Variants in DUSP26 observed in about 807,000 individuals in gnomAD.
DUSP26 encodes dual specificity phosphatase 26, also known as dual specificity protein phosphatase 26.
A neutral mutation model predicts 20.0 loss-of-function variants in DUSP26; 12 were observed. That is an observed-to-expected ratio of 0.60 (90% confidence interval 0.38 to 0.97). The LOEUF (loss-of-function observed/expected upper bound fraction) is 0.97, where lower values mean the gene tolerates loss of function less well. Ranked by LOEUF, DUSP26 falls within the 50% of genes least tolerant of loss-of-function variation. The pLI is 0.00. For synonymous variants in DUSP26, 120 were observed against 118.8 expected (o/e 1.01, Z -0.06); for missense variants, 230 against 294.0 (o/e 0.78, Z 1.59).
intron 2 of DUSP26, among the ~76,000 whole-genome samples, chr8:33,596,749 C>T (rs1016188317): frequency 8.5e-5 from 13 of 152,244 alleles, no homozygotes; most frequent in African/African-American, 3.1e-4. Flanking sequence ...TGCTTGGTCT[C>T]AAGAGAAACC....
intron 1 of DUSP26, 23 bp from the exon 2 acceptor site, chr8:33,597,614 A>C: frequency 9.4e-7 from 1 of 1,067,284 alleles, no homozygotes; most frequent in Non-Finnish European, 1.4e-6. Context: ...GGGGTGTGAG[A>C]CACACTTGAG....
chr8:33,591,956 C>A lies in DUSP26; in HGVS notation c.*57G>T. 6.2e-7 allele frequency: 1 copy of A among 1,600,882 alleles called. No homozygotes were observed. Among genetic ancestry groups the A allele is most frequent in the Non-Finnish European group, 8.5e-7 (1 of 1,176,770 alleles). ...TACCTGCCACCTGGGCCTCCTATCTCCAGCTGGGAGCCAGGGACCTACCCA... is the reference window on the plus strand; with the variant it reads ...TACCTGCCACCTGGGCCTCCTATCTACAGCTGGGAGCCAGGGACCTACCCA... On this transcript the variant is annotated 3_prime_UTR_variant, in exon 4 of 4. Transcript: ENST00000256261.
intron 2 of DUSP26, 84 bp downstream of exon 2, chr8:33,597,211 C>T: frequency 7.6e-7 from 1 of 1,321,594 alleles, no homozygotes; most frequent in African/African-American, 1.5e-5. Context: ...GACACCACTG[C>T]ATACCTGTCT....
rs115775970 is a variant in DUSP26 at position 33,592,184 on chromosome 8, G to A, written c.465C>T (p.Gly155=). 486 of 1,612,770 alleles carry A rather than the reference G, an allele frequency of 3.0e-4. 7 individuals are homozygous for A. The East Asian group carries it at 0.011, about 35-fold the overall frequency. ...GTACCAGGGTGGCGGATCGGCTCAC[G>A]CCCACAGCACAATGCACCAGGATCT... is the stretch of plus-strand genomic sequence containing the variant. The part of the protein sequence containing the change: ...GGKILVHCAV[G]VSRSATLVLA... The change falls in exon 4 of 4, where the codon GGC becomes GGT. Residue 155 remains glycine, a synonymous_variant. Coordinates refer to ENST00000256261, the MANE Select transcript of DUSP26 (RefSeq NM_024025.3).
intron 2 of DUSP26, among the ~76,000 whole-genome samples, chr8:33,596,284 A>C (rs1811143023): frequency 6.6e-6 from 1 of 151,296 alleles, no homozygotes; most frequent in Admixed American, 6.6e-5. Context: ...CCTGTCTCAA[A>C]AACAACAACA....
chr8:33,592,538 C>CAAA (rs745687703), intron 3 of DUSP26, among the ~76,000 whole-genome samples: 577 of 23,754 alleles, frequency 0.024, 69 homozygotes, highest in East Asian at 0.1. Context: ...AACCCCATCT[C>CAAA]AAAAAAAAAA....
rs755611051 is a variant in DUSP26, at chr8:33,591,778, C to G, written c.*235G>C. ...TCCCAGGACCATCTTCCATCTACAG[C>G]CTAGCTGCCTCCTTCCCTGGTCAAC... On this transcript the variant is annotated 3_prime_UTR_variant, in exon 4 of 4. Coordinates refer to ENST00000256261, the MANE Select transcript of DUSP26 (RefSeq NM_024025.3). 1 of 554,656 alleles carries G rather than the reference C, an allele frequency of 1.8e-6. No homozygotes were observed. Among genetic ancestry groups the G allele is most frequent in the Non-Finnish European group, 3.2e-6 (1 of 311,472 alleles). The allele number at this position is 554,656 out of a possible 1,614,324, so 34.4% of individuals were successfully genotyped here. A position where few individuals can be genotyped will look rare whatever the true frequency, so the allele number is the denominator to read the frequency against.
chr8:33,592,144 G>A lies in DUSP26; in HGVS notation c.505C>T (p.Leu169=). Residue 169 remains leucine (L), a synonymous_variant, in exon 4 of 4, where the codon CTG becomes TTG. Transcript: ENST00000256261. ...TCCACGAGGGTAAGGTGGTGGTACAGCATGAGGTAGGCCAGTACCAGGGTG... is the reference window on the plus strand; with the variant it reads ...TCCACGAGGGTAAGGTGGTGGTACAACATGAGGTAGGCCAGTACCAGGGTG... ...SATLVLAYLM[L]YHHLTLVEAI... The A allele has an allele frequency of 6.2e-7, 1 of 1,614,078 alleles. No individual in the cohort carries two copies.
chr8:33,594,046 C>T (rs1319491307), intron 2 of DUSP26, among the ~76,000 whole-genome samples: 1 of 151,934 alleles, frequency 6.6e-6, no homozygotes, highest in African/African-American at 2.4e-5. Context: ...TCTTGAACTC[C>T]TGACCTCAAG....
In DUSP26 at chr8:33,597,426, C is replaced by A; in HGVS notation, c.90G>T (p.Gly30=). The A allele has an allele frequency of 6.2e-7, 1 of 1,614,122 alleles. No individual in the cohort carries two copies. Among genetic ancestry groups the A allele is most frequent in the East Asian group, 2.2e-5 (1 of 44,872 alleles). The change falls in exon 2 of 4, where the codon GGG becomes GGT. Residue 30 remains glycine, a synonymous_variant. Coordinates refer to ENST00000256261, the MANE Select transcript of DUSP26 (RefSeq NM_024025.3). ...SSSRSPVRTR[G]TLEEMPTVQH... ...GAACGGTTGGCATCTCCTCCAGGGT[C>A]CCTCGAGTTCGAACAGGAGACCTTG...
At chr8:33,594,938 G>A (rs774979823) in intron 2 of DUSP26, among the ~76,000 whole-genome samples, 1 of 152,048 alleles carries the variant, frequency 6.6e-6, no homozygotes, top group Non-Finnish European at 1.5e-5. Flanking sequence ...TGGCCAAGCT[G>A]GTCTCGAACT....
intron 1 of DUSP26, among the ~76,000 whole-genome samples, chr8:33,599,064 A>G (rs113802688): frequency 8.0e-4 from 121 of 151,936 alleles, no homozygotes; most frequent in African/African-American, 2.9e-3. Flanking sequence ...TTAGGGAGAG[A>G]GAGTTTTCAA....
Position 33,593,719 on chromosome 8 carries a change from G to A in DUSP26, c.250C>T (p.Arg84Cys), listed in dbSNP as rs778191669. 28 of 1,614,084 alleles carry A rather than the reference G, an allele frequency of 1.7e-5. No individual in the cohort carries two copies. The highest frequency in any genetic ancestry group is 3.3e-5 in the Admixed American group (2 of 60,006). Residue 84 changes from arginine to cysteine, a missense_variant, in exon 3 of 4, where the codon CGC (arginine) becomes TGC (cysteine). Coordinates refer to ENST00000256261, the MANE Select transcript of DUSP26 (RefSeq NM_024025.3). ...QDMANNRREL[R>C]RLGITHVLNA... ...AGGACGTGCGTGATGCCCAGGCGGC[G>A]AAGCTCCCGGCGGTTGTTAGCCATG... is the stretch of plus-strand genomic sequence containing the variant.
Position 33,593,598 on chromosome 8 carries a change from A to G in DUSP26, c.371T>C (p.Phe124Ser). 1 of 1,614,164 alleles carries G rather than the reference A, an allele frequency of 6.2e-7. No individual in the cohort carries two copies. Among genetic ancestry groups the G allele is most frequent in the Non-Finnish European group, 8.5e-7 (1 of 1,180,026 alleles). Reference protein sequence around the residue: ...LGVEAHDSPAFDMSIHFQTAA... With the variant: ...LGVEAHDSPASDMSIHFQTAA... ...CGTCTGGAAGTGGATGCTCATGTCA[A>G]AGGCTGGCGAGTCGTGGGCCTCAAC... is the stretch of plus-strand genomic sequence containing the variant. Residue 124 changes from phenylalanine (F) to serine (S), a missense_variant, in exon 3 of 4, where the codon TTT (phenylalanine) becomes TCT (serine). Coordinates refer to ENST00000256261, the MANE Select transcript of DUSP26 (RefSeq NM_024025.3).
Position 33,597,561 on chromosome 8 carries a change from G to A in DUSP26, c.-46C>T. On this transcript the variant is annotated 5_prime_UTR_variant, in exon 2 of 4. Coordinates refer to ENST00000256261, the MANE Select transcript of DUSP26 (RefSeq NM_024025.3). ...TGGCAGCTGCAGGAGTGGCTGTGGT[G>A]ATGATGGGTTCAGTTGCCAGGTAGC... The A allele has an allele frequency of 1.3e-6, 2 of 1,544,766 alleles. No individual in the cohort carries two copies. Among genetic ancestry groups the A allele is most frequent in the Non-Finnish European group, 1.8e-6 (2 of 1,138,270 alleles).
chr8:33,592,630 A>AGATGAGTG (rs1307153531), intron 3 of DUSP26, among the ~76,000 whole-genome samples: 2 of 150,966 alleles, frequency 1.3e-5, no homozygotes, highest in African/African-American at 4.9e-5. Flanking sequence ...GAATGGGTGC[A>AGATGAGTG]GATGAGTGGA....
intron 1 of DUSP26, 80 bp from the exon 2 acceptor site, chr8:33,597,671 G>A: frequency 1.6e-6 from 1 of 631,606 alleles, no homozygotes; most frequent in South Asian, 2.2e-5. Flanking sequence ...TCCTTCGGGA[G>A]AAGATTCTCG....
At chr8:33,598,465 G>T (rs1203374053) in intron 1 of DUSP26, among the ~76,000 whole-genome samples, 2 of 122,720 alleles carry the variant, frequency 1.6e-5, no homozygotes, top group Non-Finnish European at 3.2e-5. Context: ...GGAGTGTTTT[G>T]TCTGTGTGTG....
intron 2 of DUSP26, among the ~76,000 whole-genome samples, chr8:33,595,269 C>T (rs1811115018): frequency 6.6e-6 from 1 of 152,098 alleles, no homozygotes; most frequent in Admixed American, 6.6e-5. Flanking sequence ...ACCTAACTCC[C>T]CTATGTCTCT....
Sources: allele counts gnomAD v4.1 joint callset (sites outside exome capture counted in the v4.1 genomes callset), GRCh38; gene constraint gnomAD v4.1.1; transcripts MANE v1.5; gene names NCBI Gene and HGNC (gene_info 2026-07-23, HGNC 2026-07-21).